The following FBLN2 variants were observed in gnomAD, a reference collection of about 807,000 sequenced individuals.
The protein encoded by FBLN2 is fibulin 2.
A neutral mutation model predicts 123.7 loss-of-function variants in FBLN2; 81 were observed. The observed-to-expected ratio is 0.65, with a 90% CI of 0.55 to 0.79. FBLN2 has a LOEUF of 0.79. Ranked by LOEUF, FBLN2 falls within the 30% of genes least tolerant of loss-of-function variation. The pLI, the probability that FBLN2 is intolerant of heterozygous loss-of-function variation, is 0.00. For synonymous variants in FBLN2, 699 were observed against 701.4 expected (o/e 1.00, Z 0.05); for missense variants, 1,603 against 1,681.3 (o/e 0.95, Z 0.81).
rs866007281 is a variant in FBLN2 at position 13,571,113 on chromosome 3, G to A, written c.758G>A (p.Arg253Lys). The A allele has an allele frequency of 6.4e-7, 1 of 1,552,926 alleles. No homozygotes were observed. The highest frequency in any genetic ancestry group is 8.7e-7 in the Non-Finnish European group (1 of 1,148,392). The change falls in exon 2 of 18, where the codon AGG becomes AAG. Residue 253 changes from arginine (R) to lysine (K), a missense_variant. Arg to Lys is a conservative substitution (Grantham distance 26, BLOSUM62 2). Coordinates refer to ENST00000404922, the MANE Select transcript of FBLN2 (RefSeq NM_001004019.2). ...QAPPWPAVLPRPTAAAALGPP... is the reference protein window; with the variant it reads ...QAPPWPAVLPKPTAAAALGPP... ...CCCCCCTGGCCAGCTGTCCTCCCCA[G>A]GCCCACAGCGGCTGCTGCCCTGGGT...
chr3:13,617,605 A>G (rs1322782765), intron 5 of FBLN2, among the ~76,000 whole-genome samples: 1 of 142,346 alleles, frequency 7.0e-6, no homozygotes, highest in African/African-American at 2.7e-5. Context: ...CCATCCATCC[A>G]TCCATCCATC....
intron 1 of FBLN2, among the ~76,000 whole-genome samples, chr3:13,549,532 T>A (rs1168229398): frequency 6.8e-6 from 1 of 147,498 alleles, no homozygotes; most frequent in South Asian, 2.1e-4. Context: ...TTCTCCCCCC[T>A]GGGCCGGCTC....
Position 13,570,601 on chromosome 3 carries a change from C to T in FBLN2, c.246C>T (p.Arg82=), listed in dbSNP as rs749310070. 17 of 1,574,976 alleles carry T rather than the reference C, an allele frequency of 1.1e-5. No individual in the cohort carries two copies. The highest frequency in any genetic ancestry group is 8.1e-5 in the African/African-American group (6 of 74,136). The change falls in exon 2 of 18, where the codon CGC becomes CGT. Residue 82 remains arginine (R), a synonymous_variant. Transcript: ENST00000404922. The part of the protein sequence containing the change: ...DCLQGGFVRG[R]VPAGQSYFVD... ...TACAGGGTGGCTTCGTGCGCGGCCG[C>T]GTGCCCGCCGGTCAGTCCTATTTTG...
intron 2 of FBLN2, among the ~76,000 whole-genome samples, chr3:13,589,423 C>G (rs1466180410): frequency 1.3e-5 from 2 of 152,092 alleles, no homozygotes; most frequent in African/African-American, 4.8e-5. Context: ...CCATCAAGCC[C>G]CCTTTGGTAA....
intron 1 of FBLN2, among the ~76,000 whole-genome samples, chr3:13,551,276 T>TG (rs1703315999): frequency 6.6e-6 from 1 of 152,172 alleles, no homozygotes; most frequent in African/African-American, 2.4e-5. Flanking sequence ...CAATGAGTGG[T>TG]GCCCAGGGCC....
intron 2 of FBLN2, among the ~76,000 whole-genome samples, chr3:13,603,744 A>G (rs964112195): frequency 2.0e-5 from 3 of 152,206 alleles, no homozygotes; most frequent in Non-Finnish European, 2.9e-5. Flanking sequence ...TCCTTTGGGT[A>G]TATACCCAGT....
chr3:13,626,583 A>G lies in FBLN2; in HGVS notation c.2431+4A>G. ...CTCAAGGATGGCGAGTGCGAAGGTG[A>G]GAAGGGCCCAGAAGGACCAACTGGA... On this transcript the variant is annotated splice_donor_region_variant and intron_variant, in intron 10 of 17. Coordinates refer to ENST00000404922, the MANE Select transcript of FBLN2 (RefSeq NM_001004019.2). 1 of 1,533,032 alleles carries G rather than the reference A, an allele frequency of 6.5e-7. No homozygotes were observed. The highest frequency in any genetic ancestry group is 8.8e-7 in the Non-Finnish European group (1 of 1,134,194). 95.0% of individuals were successfully genotyped at this position (1,533,032 alleles called of 1,614,324 possible). A position where few individuals can be genotyped will look rare whatever the true frequency, so the allele number is the denominator to read the frequency against.
intron 2 of FBLN2, among the ~76,000 whole-genome samples, chr3:13,587,001 C>T (rs1256579376): frequency 1.7e-4 from 25 of 151,300 alleles, no homozygotes; most frequent in Non-Finnish European, 2.8e-4. Context: ...AAAAATTAGC[C>T]GGTCACAGTG....
chr3:13,600,472 T>C (rs1368633419), intron 2 of FBLN2, among the ~76,000 whole-genome samples: 1 of 152,058 alleles, frequency 6.6e-6, no homozygotes, highest in Non-Finnish European at 1.5e-5. Flanking sequence ...CCTCTCGAGC[T>C]GGTGATGGTT....
intron 9 of FBLN2, 71 bp from the exon 10 acceptor site, chr3:13,626,374 A>G (rs1574996312): frequency 7.0e-7 from 1 of 1,425,348 alleles, no homozygotes; most frequent in Non-Finnish European, 9.4e-7. Context: ...TGGTGGCCCA[A>G]GGTCTGCTGG....
chr3:13,616,923 T>C (rs1358336173), intron 5 of FBLN2, among the ~76,000 whole-genome samples: 1 of 152,186 alleles, frequency 6.6e-6, no homozygotes, highest in Admixed American at 6.5e-5. Context: ...TCTGATCCAA[T>C]AGAGCCCAGA....
intron 3 of FBLN2, among the ~76,000 whole-genome samples, chr3:13,608,386 C>G (rs372561813): frequency 3.3e-5 from 5 of 152,254 alleles, no homozygotes; most frequent in African/African-American, 1.2e-4. Context: ...ACAAACCAGC[C>G]ACATAAATTG....
Position 13,570,905 on chromosome 3 carries a change from G to T in FBLN2, c.550G>T (p.Ala184Ser). Residue 184 changes from alanine (A) to serine (S), a missense_variant, in exon 2 of 18, where the codon GCC (alanine) becomes TCC (serine). Coordinates refer to ENST00000404922, the MANE Select transcript of FBLN2 (RefSeq NM_001004019.2). ...CGGTTGCCACGGGAACTTCTCAGAT[G>T]CCGAGGAGGGTGACCCCGAGCGACA... is the stretch of plus-strand genomic sequence containing the variant. ...LPGCHGNFSDAEEGDPERHYE... is the reference protein window; with the variant it reads ...LPGCHGNFSDSEEGDPERHYE... 6.2e-7 allele frequency: 1 copy of T among 1,612,744 alleles called. No homozygotes were observed. Among genetic ancestry groups the T allele is most frequent in the South Asian group, 1.1e-5 (1 of 90,886 alleles).
chr3:13,619,761 T>C lies in FBLN2; in HGVS notation c.2085T>C (p.Thr695=), dbSNP rs367967611. Residue 695 remains threonine (T), a synonymous_variant, in exon 8 of 18, where the codon ACT becomes ACC. Coordinates refer to ENST00000404922, the MANE Select transcript of FBLN2 (RefSeq NM_001004019.2). ...GACCCTGCAAGCAGGTGTGCAGCAC[T>C]GTTGGGGGCTCAGCCATATGCTCCT... The part of the protein sequence containing the change: ...DNGPCKQVCS[T]VGGSAICSCF... The C allele has an allele frequency of 8.2e-5, 133 of 1,613,194 alleles. No individual in the cohort carries two copies. The African/African-American group carries it at 1.6e-3, about 20-fold the overall frequency.
intron 1 of FBLN2, among the ~76,000 whole-genome samples, chr3:13,567,508 C>T (rs1173196567): frequency 6.6e-6 from 1 of 152,208 alleles, no homozygotes; most frequent in East Asian, 1.9e-4. Flanking sequence ...CAGGCACACG[C>T]CATCATGCCT....
At chr3:13,627,719 TC>T in intron 10 of FBLN2, 112 bp from the exon 11 acceptor site, 1 of 1,335,300 alleles carries the variant, frequency 7.5e-7, no homozygotes, top group Non-Finnish European at 1.0e-6. Context: ...CCCAGGGAGA[TC>T]TTTGTGGCCA....
Position 13,629,812 on chromosome 3 carries a change from T to C in FBLN2, c.2843-8T>C. 6.4e-7 allele frequency: 1 copy of C among 1,564,856 alleles called. No individual in the cohort carries two copies. The highest frequency in any genetic ancestry group is 8.7e-7 in the Non-Finnish European group (1 of 1,155,018). On this transcript the variant is annotated splice_region_variant and splice_polypyrimidine_tract_variant and intron_variant, in intron 13 of 17. Coordinates refer to ENST00000404922, the MANE Select transcript of FBLN2 (RefSeq NM_001004019.2). ...CCTACCCTGTACCTGCTGCCTGCCC[T>C]CCCACAGACGTGAATGAGTGCTGGG...
At chr3:13,571,920 G>A (rs764223170) in intron 2 of FBLN2, among the ~76,000 whole-genome samples, 7 of 152,160 alleles carry the variant, frequency 4.6e-5, no homozygotes, top group Non-Finnish European at 1.0e-4. Flanking sequence ...GTAGGGCTGC[G>A]GTAGTGGTCA....
rs111724365 is a variant in FBLN2, at chr3:13,576,720, T to TCC, written c.1306+5069_1306+5070dup. ...CTGAGAGAAGGGGTGGTCAGGGGGATCCCCCCCCCCCGGGTTCACTCATTT... is the reference window on the plus strand; with the variant it reads ...CTGAGAGAAGGGGTGGTCAGGGGGATCCCCCCCCCCCCCGGGTTCACTCATTT... On this transcript the variant is annotated intron_variant, in intron 2 of 17. Transcript: ENST00000404922. 4.5e-3 allele frequency among the ~76,000 whole-genome samples: 614 copies of TCC among 135,910 alleles called. 9 individuals carry two copies. Among genetic ancestry groups the TCC allele is most frequent in the African/African-American group, 0.013 (476 of 36,102 alleles). The allele number at this position is 135,910 out of a possible 152,430, so 89.2% of individuals were successfully genotyped here.
Sources: gnomAD v4.1 joint callset for allele counts (sites outside exome capture counted in the v4.1 genomes callset) on GRCh38, gnomAD v4.1.1 for gene constraint, MANE v1.5 for transcripts, NCBI Gene and HGNC (gene_info 2026-07-23, HGNC 2026-07-21) for gene names.